MCEE: variants seen among roughly 807,000 people sequenced by gnomAD.
MCEE encodes methylmalonyl-CoA epimerase.
A neutral mutation model predicts 12.9 loss-of-function variants in MCEE; 6 were observed. The ratio of observed to expected loss-of-function variants is 0.47; its 90% confidence interval spans 0.26 to 0.92. MCEE has a LOEUF of 0.92. MCEE is among the 40% of genes least tolerant of loss of function. The pLI is 0.16. For synonymous variants in MCEE, 78 were observed against 77.9 expected (o/e 1.00, Z -0.01); for missense variants, 214 against 212.1 (o/e 1.01, Z -0.05).
Position 71,110,028 on chromosome 2 carries a change from A to G in MCEE, c.473T>C (p.Val158Ala). 6.2e-7 allele frequency: 1 copy of G among 1,613,862 alleles called. No individual in the cohort carries two copies. The highest frequency in any genetic ancestry group is 1.1e-5 in the South Asian group (1 of 91,074). ...ACAGTCTTTAGGATGGAGAAAAATC[A>G]CTGGTTTTCCATGTGCTCCTATTTT... ...EVKIGAHGKP[V>A]IFLHPKDCGG... The change falls in exon 3 of 3, where the codon GTG (valine) becomes GCG (alanine). Residue 158 changes from valine (V) to alanine (A), a missense_variant. By Grantham distance (64) the Val-to-Ala change is moderately conservative. Transcript: ENST00000244217.
intron 1 of MCEE, among the ~76,000 whole-genome samples, chr2:71,126,805 C>T (rs535216204): frequency 7.6e-4 from 115 of 152,144 alleles, no homozygotes; most frequent in African/African-American, 2.6e-3. Flanking sequence ...CTAATAGAAA[C>T]GGTGTATCTT....
intron 2 of MCEE, among the ~76,000 whole-genome samples, chr2:71,123,104 C>T (rs1000640889): frequency 6.6e-6 from 1 of 152,210 alleles, no homozygotes; most frequent in Non-Finnish European, 1.5e-5. Context: ...TGGCAGAATA[C>T]ACATTATAGG....
At chr2:71,118,262 T>C (rs1673033966) in intron 2 of MCEE, 3 of 150,690 alleles carry the variant, frequency 2.0e-5, no homozygotes, top group Non-Finnish European at 2.9e-5. Context: ...TAGTCACCAT[T>C]TTCCCCTGCA....
intron 1 of MCEE, among the ~76,000 whole-genome samples, chr2:71,126,388 C>T (rs1056355013): frequency 4.3e-4 from 66 of 151,762 alleles, no homozygotes; most frequent in Non-Finnish European, 3.1e-4. Context: ...CCACCGCACC[C>T]GGCTAATTTT....
intron 1 of MCEE, among the ~76,000 whole-genome samples, chr2:71,125,447 TCCAC>T (rs1156915718): frequency 4.6e-5 from 7 of 151,594 alleles, no homozygotes. Context: ...CCTCAGGTGA[TCCAC>T]CCACCTCGGC....
chr2:71,123,944 C>T (rs72903576), intron 2 of MCEE, among the ~76,000 whole-genome samples: 3,088 of 152,264 alleles, frequency 0.02, 103 homozygotes, highest in African/African-American at 0.071. Context: ...GCAGACTCTA[C>T]ATTGTGGCTA....
At chr2:71,111,772 C>G (rs1038524300) in intron 2 of MCEE, among the ~76,000 whole-genome samples, 1 of 152,158 alleles carries the variant, frequency 6.6e-6, no homozygotes, top group Non-Finnish European at 1.5e-5. Context: ...CTAAGTTCCA[C>G]GTGGATTCCC....
intron 2 of MCEE, among the ~76,000 whole-genome samples, chr2:71,115,281 G>C (rs1019992373): frequency 4.6e-5 from 7 of 152,194 alleles, no homozygotes; most frequent in Non-Finnish European, 8.8e-5. Flanking sequence ...TAGCTACTCA[G>C]GAGGCTGAGA....
At chr2:71,125,211 A>ATATATATATATATATTTTTTTTTT in intron 1 of MCEE, among the ~76,000 whole-genome samples, 30 of 48,572 alleles carry the variant, frequency 6.2e-4, no homozygotes, top group Non-Finnish European at 1.1e-3. Flanking sequence ...ATATATATAT[A>ATATATATATATATATTTTTTTTTT]TTTTTTTTTT....
intron 1 of MCEE, among the ~76,000 whole-genome samples, chr2:71,128,366 C>T (rs144184931): frequency 6.6e-6 from 1 of 152,164 alleles, no homozygotes; most frequent in African/African-American, 2.4e-5. Flanking sequence ...TGAGTATACA[C>T]ACCCCCAAAG....
At chr2:71,124,759 A>T (rs972765794) in intron 1 of MCEE, among the ~76,000 whole-genome samples, 3 of 152,170 alleles carry the variant, frequency 2.0e-5, no homozygotes, top group African/African-American at 4.8e-5. Flanking sequence ...TAAAAAAGCT[A>T]ATTCTGAGCT....
Position 71,109,979 on chromosome 2 carries a change from C to T in MCEE, c.522G>A (p.Glu174=). Residue 174 remains glutamate, a synonymous_variant, in exon 3 of 3, where the codon GAG becomes GAA. Coordinates refer to ENST00000244217, the MANE Select transcript of MCEE (RefSeq NM_032601.4). Reference sequence around the variant, plus strand: ...TGCTTGCAAATATAAATCAAGCTTGCTCCAGTTCCACAAGGACTCCACCAC... The same window carrying T: ...TGCTTGCAAATATAAATCAAGCTTGTTCCAGTTCCACAAGGACTCCACCAC... The part of the protein sequence containing the change: ...KDCGGVLVEL[E]QA 1 of 1,613,628 alleles carries T rather than the reference C, an allele frequency of 6.2e-7. No individual in the cohort carries two copies. Among genetic ancestry groups the T allele is most frequent in the Non-Finnish European group, 8.5e-7 (1 of 1,179,856 alleles).
At chr2:71,128,340 C>A (rs370962444) in intron 1 of MCEE, among the ~76,000 whole-genome samples, 27 of 152,218 alleles carry the variant, frequency 1.8e-4, no homozygotes, top group African/African-American at 6.3e-4. Flanking sequence ...ACCATGTAAT[C>A]CAGCAATTCC....
intron 2 of MCEE, among the ~76,000 whole-genome samples, chr2:71,122,976 C>A (rs1673127792): frequency 6.6e-6 from 1 of 152,232 alleles, no homozygotes. Context: ...TGTGCTACTG[C>A]AAAGTCACAT....
At chr2:71,115,429 C>A (rs930793885) in intron 2 of MCEE, among the ~76,000 whole-genome samples, 1 of 151,106 alleles carries the variant, frequency 6.6e-6, no homozygotes, top group Non-Finnish European at 1.5e-5. Flanking sequence ...GCATCTACTT[C>A]TACTTCTGTT....
chr2:71,126,905 T>C (rs1301623835), intron 1 of MCEE, among the ~76,000 whole-genome samples: 1 of 152,224 alleles, frequency 6.6e-6, no homozygotes, highest in African/African-American at 2.4e-5. Flanking sequence ...TATTTTTATT[T>C]CAGGTTGCCC....
At chr2:71,115,967 A>C (rs1189939677) in intron 2 of MCEE, among the ~76,000 whole-genome samples, 1 of 150,172 alleles carries the variant, frequency 6.7e-6, no homozygotes, top group Admixed American at 6.6e-5. Flanking sequence ...TATTAATTTA[A>C]AAAAGGGGGG....
At chr2:71,118,125 G>A (rs991378258) in intron 2 of MCEE, among the ~76,000 whole-genome samples, 1 of 149,958 alleles carries the variant, frequency 6.7e-6, no homozygotes, top group African/African-American at 2.5e-5. Flanking sequence ...GTGTGGCTCT[G>A]ACTCCCCATA....
At chr2:71,128,765 G>A (rs1294537699) in intron 1 of MCEE, among the ~76,000 whole-genome samples, 3 of 152,106 alleles carry the variant, frequency 2.0e-5, no homozygotes, top group African/African-American at 7.2e-5. Context: ...GAGGTGGGCA[G>A]ATCACCTGAG....
Sources: gnomAD v4.1 joint callset for allele counts (sites outside exome capture counted in the v4.1 genomes callset) on GRCh38, gnomAD v4.1.1 for gene constraint, MANE v1.5 for transcripts, NCBI Gene and HGNC (gene_info 2026-07-23, HGNC 2026-07-21) for gene names.